Variants in PVT1 observed in about 807,000 individuals in gnomAD.
PVT1 encodes the protein Pvt1 oncogene.
chr8:128,078,832 C>T (rs1395736447), intron 5 of PVT1, among the ~76,000 whole-genome samples: 2 of 152,166 alleles, frequency 1.3e-5, no homozygotes, highest in African/African-American at 2.4e-5. Context: ...GTTGCCTAGG[C>T]TGCCATGCAG....
intron 4 of PVT1, among the ~76,000 whole-genome samples, chr8:128,016,364 G>GAACC (rs1817374242): frequency 6.6e-6 from 1 of 152,008 alleles, no homozygotes; most frequent in Non-Finnish European, 1.5e-5. Context: ...TTGGGTTTGT[G>GAACC]AACCTACCCT....
At chr8:127,872,004 A>G (rs186078751) in intron 2 of PVT1, among the ~76,000 whole-genome samples, 68 of 152,358 alleles carry the variant, frequency 4.5e-4, no homozygotes, top group Non-Finnish European at 1.0e-4. Flanking sequence ...AGGCAGGAGA[A>G]TCACTTGAAG....
intron 4 of PVT1, among the ~76,000 whole-genome samples, chr8:127,996,884 G>C (rs1430269869): frequency 6.6e-6 from 1 of 152,048 alleles, no homozygotes; most frequent in Admixed American, 6.5e-5. Flanking sequence ...CCCTCTGGCT[G>C]GGAAGAAGGC....
At position 127,999,514 on chromosome 8, in the gene PVT1, T is replaced by G. The variant is rs146302058; in HGVS notation, n.912+10223T>G. ...TCTCACACTTTCGCCCAAGCTGGAG[T>G]GCAGTGGTGTGATCTCGTCTCACTG... On this transcript the variant is annotated intron_variant and non_coding_transcript_variant, in intron 4 of 10. Coordinates refer to ENST00000651587, the Ensembl canonical transcript of PVT1. Among the ~76,000 whole-genome samples the G allele has an allele frequency of 5.3e-5, 8 of 151,148 alleles. No homozygotes were observed. The East Asian group carries it at 1.6e-3, about 30-fold the overall frequency.
chr8:128,066,400 G>C (rs1586505243), intron 4 of PVT1, among the ~76,000 whole-genome samples: 1 of 152,186 alleles, frequency 6.6e-6, no homozygotes, highest in South Asian at 2.1e-4. Context: ...TGCTGAGATT[G>C]AGCATGATCT....
chr8:127,804,448 G>T (rs1814503282), intron 2 of PVT1, among the ~76,000 whole-genome samples: 1 of 151,910 alleles, frequency 6.6e-6, no homozygotes, highest in Non-Finnish European at 1.5e-5. Flanking sequence ...TGAGATTACA[G>T]GTGTGAGCCA....
intron 2 of PVT1, among the ~76,000 whole-genome samples, chr8:127,869,709 A>T (rs1815330611): frequency 6.6e-6 from 1 of 152,232 alleles, no homozygotes; most frequent in Admixed American, 6.5e-5. Flanking sequence ...TAGTAGAAGA[A>T]CATAGTAAAT....
intron 3 of PVT1, among the ~76,000 whole-genome samples, chr8:127,897,633 C>T (rs112117160): frequency 9.7e-6 from 1 of 103,098 alleles, no homozygotes; most frequent in Non-Finnish European, 1.9e-5. Flanking sequence ...GAAAGAAAGA[C>T]AGACAAAGAA....
At chr8:127,864,751 T>C (rs13271938) in intron 2 of PVT1, among the ~76,000 whole-genome samples, 56,519 of 151,728 alleles carry the variant, frequency 0.37, 13,037 homozygotes, top group African/African-American at 0.65. Flanking sequence ...GGTTTCACCA[T>C]GTTAGCCAGG....
At chr8:128,085,852 A>T in intron 5 of PVT1, among the ~76,000 whole-genome samples, 1 of 152,212 alleles carries the variant, frequency 6.6e-6, no homozygotes, top group East Asian at 1.9e-4. Context: ...AAAAAACGAG[A>T]TCCCCAAGAT....
chr8:128,036,848 CTG>C, intron 4 of PVT1, among the ~76,000 whole-genome samples: 1 of 152,204 alleles, frequency 6.6e-6, no homozygotes, highest in Admixed American at 6.5e-5. Flanking sequence ...GAGCAAGTGA[CTG>C]TTAGAGAAAC....
chr8:128,030,749 GTCT>G (rs1416389550), intron 4 of PVT1, among the ~76,000 whole-genome samples: 1 of 152,170 alleles, frequency 6.6e-6, no homozygotes, highest in African/African-American at 2.4e-5. Context: ...AGGAAGTTCA[GTCT>G]TCTTTTTTAT....
chr8:128,012,696 C>A (rs1276356765), intron 4 of PVT1, among the ~76,000 whole-genome samples: 1 of 152,168 alleles, frequency 6.6e-6, no homozygotes. Context: ...TCTTGCTGAT[C>A]CTCAGCAATT....
At position 127,954,976 on chromosome 8, in the gene PVT1, C is replaced by T. The variant is rs184560730; in HGVS notation, n.783-34186C>T. Reference sequence around the variant, plus strand: ...TTATCCTGTTTTGAGATTTTAGAAACGCAATACAGTACGCATATCATACTA... The same window carrying T: ...TTATCCTGTTTTGAGATTTTAGAAATGCAATACAGTACGCATATCATACTA... On this transcript the variant is annotated intron_variant and non_coding_transcript_variant, in intron 3 of 10. Coordinates refer to ENST00000651587, the Ensembl canonical transcript of PVT1. Among the ~76,000 whole-genome samples, 22 of 152,304 alleles carry T rather than the reference C, an allele frequency of 1.4e-4. No homozygotes were observed. In the East Asian group the frequency reaches 3.7e-3, roughly 25 times the overall value.
chr8:127,835,784 A>G (rs970948727), intron 2 of PVT1, among the ~76,000 whole-genome samples: 2 of 152,216 alleles, frequency 1.3e-5, no homozygotes, highest in Non-Finnish European at 2.9e-5. Flanking sequence ...AGAGGTTGGA[A>G]TCACACACAA....
chr8:127,909,630 G>A (rs1303904744), intron 3 of PVT1, among the ~76,000 whole-genome samples: 1 of 152,182 alleles, frequency 6.6e-6, no homozygotes, highest in African/African-American at 2.4e-5. Flanking sequence ...TGAGTGGATT[G>A]GACCTTTAAG....
intron 3 of PVT1, among the ~76,000 whole-genome samples, chr8:127,963,941 A>G (rs1816675057): frequency 6.6e-6 from 1 of 152,170 alleles, no homozygotes; most frequent in Non-Finnish European, 1.5e-5. Context: ...CAGTTCTAGG[A>G]TCGTTTATTC....
At chr8:127,846,555 G>A (rs897789940) in intron 2 of PVT1, among the ~76,000 whole-genome samples, 1 of 152,206 alleles carries the variant, frequency 6.6e-6, no homozygotes, top group African/African-American at 2.4e-5. Context: ...CCTGTGCCGT[G>A]TGTTTCCAAG....
At chr8:127,950,587 G>A (rs1056449639) in intron 3 of PVT1, among the ~76,000 whole-genome samples, 1 of 152,188 alleles carries the variant, frequency 6.6e-6, no homozygotes, top group Non-Finnish European at 1.5e-5. Context: ...AGGACTCTTG[G>A]GAGAAAAGCT....
Sources: allele counts gnomAD v4.1 joint callset (sites outside exome capture counted in the v4.1 genomes callset), GRCh38; gene constraint gnomAD v4.1.1; transcripts MANE v1.5; gene names NCBI Gene and HGNC (gene_info 2026-07-23, HGNC 2026-07-21).